Variants in NIBAN1 observed in about 807,000 individuals in gnomAD.
NIBAN1 encodes protein Niban 1.
In NIBAN1, 81 loss-of-function variants were observed where a neutral mutation model predicts 75.1. The observed-to-expected ratio is 1.08, with a 90% confidence interval of 0.90 to 1.30. NIBAN1 has a LOEUF of 1.30. Ranked by LOEUF, NIBAN1 falls within the 50% of genes most tolerant of loss-of-function variation. The probability of loss-of-function intolerance (pLI) is 0.00; values close to 1 mark genes in which losing one functional copy is unlikely to be tolerated. For missense variants in NIBAN1, 1,133 were observed against 1,128.1 expected, an observed-to-expected ratio of 1.00 and a Z score of -0.06; for synonymous variants, 436 against 424.8, an observed-to-expected ratio of 1.03 and a Z score of -0.32.
chr1:184,834,545 C>G (rs1655087191), intron 5 of NIBAN1, among the ~76,000 whole-genome samples: 1 of 152,196 alleles, frequency 6.6e-6, no homozygotes, highest in Non-Finnish European at 1.5e-5. Context: ...TAGTGATCGC[C>G]ATTCTAACTG....
intron 1 of NIBAN1, among the ~76,000 whole-genome samples, chr1:184,901,101 C>T (rs1390837398): frequency 6.6e-6 from 1 of 152,042 alleles, no homozygotes; most frequent in African/African-American, 2.4e-5. Context: ...GCCAAAAACA[C>T]CCATAATGTA....
chr1:184,888,410 T>C (rs755410057), intron 4 of NIBAN1, among the ~76,000 whole-genome samples: 4 of 152,194 alleles, frequency 2.6e-5, no homozygotes, highest in Non-Finnish European at 4.4e-5. Context: ...AAAGCAACAT[T>C]GATCCTTTGC....
chr1:184,955,307 T>TTTTCCTTTCCTTTCCTTTCATTTCC (rs1658455821), intron 1 of NIBAN1, among the ~76,000 whole-genome samples: 1 of 94,520 alleles, frequency 1.1e-5, no homozygotes, highest in South Asian at 4.1e-4. Flanking sequence ...TTTTCTTTTC[T>TTTTCCTTTCCTTTCCTTTCATTTCC]TTTCCTTTCC....
intron 5 of NIBAN1, among the ~76,000 whole-genome samples, chr1:184,854,629 A>G (rs960119473): frequency 2.0e-5 from 3 of 152,312 alleles, no homozygotes; most frequent in South Asian, 4.1e-4. Context: ...TCAGTTTGGT[A>G]GAAAACTGCT....
rs1174066517 is a variant in NIBAN1 at position 184,827,953 on chromosome 1, G to GTTTTTTT, written c.717+3893_717+3894insAAAAAAA. On this transcript the variant is annotated intron_variant, in intron 6 of 13. Transcript: ENST00000367511. ...AAGGCCTAAAAATGCGGGTAGTTTT[G>GTTTTTTT]TTTTTTGTTTTTTTTTTTTTTTTCC... is the stretch of plus-strand genomic sequence containing the variant. Among the ~76,000 whole-genome samples the GTTTTTTT allele has an allele frequency of 1.4e-4, 14 of 100,278 alleles. 4 individuals are homozygous for GTTTTTTT. The highest frequency in any genetic ancestry group is 3.1e-4 in the Admixed American group (3 of 9,796). 65.8% of individuals were successfully genotyped at this position (100,278 alleles called of 152,430 possible).
At chr1:184,953,392 T>C (rs1658406261) in intron 1 of NIBAN1, among the ~76,000 whole-genome samples, 1 of 152,220 alleles carries the variant, frequency 6.6e-6, no homozygotes. Context: ...CTCTGTAAGT[T>C]CATTTTATTT....
chr1:184,939,105 G>A (rs1269258995), intron 1 of NIBAN1, among the ~76,000 whole-genome samples: 1 of 152,218 alleles, frequency 6.6e-6, no homozygotes, highest in Non-Finnish European at 1.5e-5. Context: ...TTCAACAAAT[G>A]TGCATTGAGT....
At chr1:184,839,051 GTAATCAACACTTAC>G (rs1655211452) in intron 5 of NIBAN1, among the ~76,000 whole-genome samples, 2 of 152,140 alleles carry the variant, frequency 1.3e-5, no homozygotes, top group South Asian at 4.1e-4. Context: ...ACAGGGGAAG[GTAATCAACACTTAC>G]TGAGTCCCTA....
chr1:184,832,593 T>C (rs1255438076), intron 5 of NIBAN1, among the ~76,000 whole-genome samples: 1 of 152,222 alleles, frequency 6.6e-6, no homozygotes, highest in Non-Finnish European at 1.5e-5. Flanking sequence ...ATTAATTGCC[T>C]AGATCATATA....
chr1:184,915,540 C>A (rs544004867), intron 1 of NIBAN1, among the ~76,000 whole-genome samples: 14 of 152,238 alleles, frequency 9.2e-5, no homozygotes, highest in Admixed American at 2.6e-4. Flanking sequence ...ATGCTGAGGG[C>A]ACTTGATCAG....
In NIBAN1 at chr1:184,795,601, T is replaced by A. The variant is rs1653832379; in HGVS notation, c.2163A>T (p.Glu721Asp). ...TCACTGGAGCAGAGTCCACTGGTAC[T>A]TCCACGGACGCTGTCAGCAACTTTC... ...ALRKLLTASV[E>D]VPVDSAPVME... The change falls in exon 14 of 14, where the codon GAA becomes GAT. Residue 721 changes from glutamate to aspartate, a missense_variant. Physicochemically the swap from Glu to Asp is conservative, Grantham distance 45. Coordinates refer to ENST00000367511, the MANE Select transcript of NIBAN1 (RefSeq NM_052966.4). 1 of 1,614,204 alleles carries A rather than the reference T, an allele frequency of 6.2e-7. No individual in the cohort carries two copies. The highest frequency in any genetic ancestry group is 8.5e-7 in the Non-Finnish European group (1 of 1,180,046).
At chr1:184,804,780 T>TG (rs1461853881) in intron 11 of NIBAN1, among the ~76,000 whole-genome samples, 2 of 151,892 alleles carry the variant, frequency 1.3e-5, no homozygotes, top group Non-Finnish European at 2.9e-5. Context: ...GTGTTTTTTT[T>TG]TTTGTTTTTT....
At chr1:184,965,848 G>C (rs1014024966) in intron 1 of NIBAN1, among the ~76,000 whole-genome samples, 4 of 152,190 alleles carry the variant, frequency 2.6e-5, no homozygotes, top group Non-Finnish European at 5.9e-5. Flanking sequence ...GACTGATCAA[G>C]TCTCACTATC....
intron 1 of NIBAN1, among the ~76,000 whole-genome samples, chr1:184,931,169 T>G (rs1657812578): frequency 6.6e-6 from 1 of 151,992 alleles, no homozygotes; most frequent in Non-Finnish European, 1.5e-5. Flanking sequence ...CCGGCTAGTT[T>G]TTATATTTTT....
intron 1 of NIBAN1, among the ~76,000 whole-genome samples, chr1:184,934,264 A>T (rs1416792114): frequency 6.6e-6 from 1 of 152,228 alleles, no homozygotes; most frequent in African/African-American, 2.4e-5. Flanking sequence ...TGGGAAGTAA[A>T]CATTGAGTAC....
At chr1:184,807,504 T>C (rs1421391960) in intron 10 of NIBAN1, among the ~76,000 whole-genome samples, 1 of 152,132 alleles carries the variant, frequency 6.6e-6, no homozygotes, top group Non-Finnish European at 1.5e-5. Context: ...AGTAGCCATA[T>C]AGGCTGGGTG....
At chr1:184,961,259 CGG>C (rs1658635839) in intron 1 of NIBAN1, among the ~76,000 whole-genome samples, 1 of 151,220 alleles carries the variant, frequency 6.6e-6, no homozygotes, top group Admixed American at 6.6e-5. Context: ...TTAGTAGAGA[CGG>C]GGTTTTACCG....
At chr1:184,918,164 T>C (rs1294882455) in intron 1 of NIBAN1, among the ~76,000 whole-genome samples, 1 of 152,184 alleles carries the variant, frequency 6.6e-6, no homozygotes, top group African/African-American at 2.4e-5. Flanking sequence ...AGTAGAAACC[T>C]CAGAATCATC....
At chr1:184,883,359 C>T (rs140780149) in intron 5 of NIBAN1, among the ~76,000 whole-genome samples, 68 of 152,272 alleles carry the variant, frequency 4.5e-4, no homozygotes, top group African/African-American at 1.6e-3. Flanking sequence ...GTTTGAATTT[C>T]AACTCCCAGA....
Sources: gnomAD v4.1 joint callset for allele counts (sites outside exome capture counted in the v4.1 genomes callset) on GRCh38, gnomAD v4.1.1 for gene constraint, MANE v1.5 for transcripts, NCBI Gene and HGNC (gene_info 2026-07-23, HGNC 2026-07-21) for gene names.